MYH11: variants seen among roughly 807,000 people sequenced by gnomAD.
The protein encoded by MYH11 is myosin heavy chain 11.
A neutral mutation model predicts 246.6 loss-of-function variants in MYH11; 80 were observed. That is an observed-to-expected ratio of 0.32 (90% CI 0.27 to 0.39). The LOEUF (loss-of-function observed/expected upper bound fraction) is 0.39, where lower values mean the gene tolerates loss of function less well. Among genes scored for constraint, MYH11 ranks in the 10% least tolerant of loss-of-function variants. The pLI is 1.00. For missense variants in MYH11, 2,158 were observed against 2,546.8 expected (o/e 0.85, Z 3.29); for synonymous variants, 1,071 against 1,015.5 (o/e 1.05, Z -1.04).
At chr16:15,856,791 A>G (rs1391159751) in intron 1 of MYH11, 150 bp downstream of exon 1, 1 of 152,042 alleles carries the variant, frequency 6.6e-6, no homozygotes, top group Non-Finnish European at 1.5e-5. Context: ...GCAGAGAGAG[A>G]TCCAAATCAC....
chr16:15,788,666 T>C (rs555748440), intron 4 of MYH11, among the ~76,000 whole-genome samples: 1 of 152,318 alleles, frequency 6.6e-6, no homozygotes, highest in African/African-American at 2.4e-5. Flanking sequence ...CTTTGTGTGG[T>C]CCCTTCCCTT....
intron 20 of MYH11, among the ~76,000 whole-genome samples, chr16:15,743,316 C>T (rs1257761822): frequency 1.3e-5 from 2 of 152,034 alleles, no homozygotes; most frequent in African/African-American, 4.8e-5. Context: ...TTACAGGTGC[C>T]CACCACCACA....
chr16:15,814,575 AAAAAAAAAAG>A lies in MYH11; in HGVS notation c.502+8670_502+8679del, dbSNP rs1485059306. ...TCTCAAAAAAAAAAAAAAAAAAAAA[AAAAAAAAAAG>A]GTACCAAGAAAAAAGTCTAGGTGAG... On this transcript the variant is annotated intron_variant, in intron 3 of 40. Transcript: ENST00000300036. Among the ~76,000 whole-genome samples the A allele has an allele frequency of 2.2e-3, 255 of 115,346 alleles. 4 individuals are homozygous for A. The highest frequency in any genetic ancestry group is 4.5e-3 in the African/African-American group (144 of 32,012). 75.7% of individuals were successfully genotyped at this position (115,346 alleles called of 152,430 possible).
chr16:15,841,529 G>T (rs562895406), intron 1 of MYH11, among the ~76,000 whole-genome samples: 1 of 152,284 alleles, frequency 6.6e-6, no homozygotes, highest in African/African-American at 2.4e-5. Flanking sequence ...GTTCCTTAGG[G>T]TAACTAAATT....
In MYH11 at chr16:15,735,448, G is replaced by C; in HGVS notation, c.3424C>G (p.Arg1142Gly). 1 of 1,614,088 alleles carries C rather than the reference G, an allele frequency of 6.2e-7. No homozygotes were observed. Among genetic ancestry groups the C allele is most frequent in the Non-Finnish European group, 8.5e-7 (1 of 1,180,016 alleles). The change falls in exon 26 of 41, where the codon CGA (arginine) becomes GGA (glycine). Residue 1142 changes from arginine (R) to glycine (G), a missense_variant. By Grantham distance (125) the Arg-to-Gly change is moderately radical. Around this residue, in one of 11 missense-constraint regions of MYH11, gnomAD observed 284 missense variants for 315.4 expected, o/e 0.90. Transcript: ENST00000300036. ...GCCTCCAGCTCCTCGCCGAGGTCTC[G>C]CTTCTGCTTTTCAGCCTTGTTCCTG... is the stretch of plus-strand genomic sequence containing the variant. Reference protein sequence around the residue: ...AARNKAEKQKRDLGEELEALK... With the variant: ...AARNKAEKQKGDLGEELEALK...
Position 15,741,844 on chromosome 16 carries a change from G to A in MYH11, c.2568C>T (p.Ala856=). The A allele has an allele frequency of 6.2e-7, 1 of 1,614,150 alleles. No homozygotes were observed. The highest frequency in any genetic ancestry group is 1.3e-5 in the African/African-American group (1 of 75,016). The change falls in exon 21 of 41, where the codon GCC becomes GCT. Residue 856 remains alanine (A), a synonymous_variant. Coordinates refer to ENST00000300036, the MANE Select transcript of MYH11 (RefSeq NM_002474.3). ...TGGTCTTCTGCAGTTCATCCTCCTTGGCCTGCATCTCCTCCTCCTGCCGTG... is the reference window on the plus strand; with the variant it reads ...TGGTCTTCTGCAGTTCATCCTCCTTAGCCTGCATCTCCTCCTCCTGCCGTG... ...QVTRQEEEMQ[A]KEDELQKTKE... is the part of the protein sequence containing the mutation.
intron 27 of MYH11, among the ~76,000 whole-genome samples, chr16:15,729,484 G>A (rs1335084638): frequency 6.6e-5 from 10 of 151,894 alleles, no homozygotes; most frequent in Non-Finnish European, 1.3e-4. Context: ...TCCTGTTCAC[G>A]TCTAATGAAC....
At position 15,838,225 on chromosome 16, in the gene MYH11, C is replaced by T. The variant is rs2043958315; in HGVS notation, c.28G>A (p.Asp10Asn). MAQKGQLSD[D>N]EKFLFVDKNF... ...TTGTCCACAAAGAGGAACTTCTCAT[C>T]GTCACTGAGTTGGCCCTTCTGCGCC... is the stretch of plus-strand genomic sequence containing the variant. Residue 10 changes from aspartate to asparagine, a missense_variant, in exon 2 of 41, where the codon GAT (aspartate) becomes AAT (asparagine). Asp to Asn is a conservative substitution (Grantham distance 23, BLOSUM62 1). Around this residue, in one of 11 missense-constraint regions of MYH11, gnomAD observed 96 missense variants for 91.9 expected, o/e 1.04. Coordinates refer to ENST00000300036, the MANE Select transcript of MYH11 (RefSeq NM_002474.3). The T allele has an allele frequency of 6.2e-7, 1 of 1,614,110 alleles. No individual in the cohort carries two copies. The highest frequency in any genetic ancestry group is 8.5e-7 in the Non-Finnish European group (1 of 1,180,020).
At chr16:15,786,498 T>C in intron 5 of MYH11, 132 bp downstream of exon 5, 1 of 908,142 alleles carries the variant, frequency 1.1e-6, no homozygotes, top group Non-Finnish European at 1.9e-6. Flanking sequence ...GGTCCCTCTT[T>C]GAGTCTTCAG....
At chr16:15,846,449 G>T (rs562816172) in intron 1 of MYH11, among the ~76,000 whole-genome samples, 1 of 152,170 alleles carries the variant, frequency 6.6e-6, no homozygotes, top group South Asian at 2.1e-4. Flanking sequence ...ATGAGTCTCC[G>T]GTGTGCAATG....
At chr16:15,756,278 T>C (rs907459661) in intron 14 of MYH11, 63 bp downstream of exon 14, 65 of 1,579,008 alleles carry the variant, frequency 4.1e-5, no homozygotes, top group Middle Eastern at 4.0e-4. Flanking sequence ...TCAGACTGTC[T>C]CTGCGCTGAG....
chr16:15,750,431 A>T lies in MYH11; in HGVS notation c.1865-100T>A. ...CCCACCCACCAACCTGCCCACTCCA[A>T]TCTTTCCTTCCATCACCAACGCCTC... On this transcript the variant is annotated intron_variant, in intron 15 of 40. Transcript: ENST00000300036. The surrounding 1 kb of genome is among the most constrained non-coding windows in gnomAD (Gnocchi z 4.3). The T allele has an allele frequency of 5.0e-6, 6 of 1,188,300 alleles. No individual in the cohort carries two copies. The South Asian group carries it at 7.8e-5, about 15-fold the overall frequency. The allele number at this position is 1,188,300 out of a possible 1,614,324, so 73.6% of individuals were successfully genotyped here.
intron 3 of MYH11, among the ~76,000 whole-genome samples, chr16:15,807,671 A>G (rs2043045924): frequency 6.6e-6 from 1 of 152,008 alleles, no homozygotes; most frequent in African/African-American, 2.4e-5. Context: ...CCTGGGGCTG[A>G]GCTTCCCAGC....
At chr16:15,719,417 C>A in intron 35 of MYH11, 109 bp from the exon 36 acceptor site, 2 of 1,477,028 alleles carry the variant, frequency 1.4e-6, no homozygotes, top group Non-Finnish European at 1.9e-6. Flanking sequence ...TTCCTCTGAG[C>A]TCAGGGGAGG....
chr16:15,758,601 T>A (rs971891844), intron 12 of MYH11, among the ~76,000 whole-genome samples: 9 of 150,208 alleles, frequency 6.0e-5, no homozygotes, highest in African/African-American at 2.2e-4. Flanking sequence ...ATCAGGAGTT[T>A]GAGACTAGCC....
chr16:15,714,659 G>C (rs962585522), intron 40 of MYH11: 3 of 591,282 alleles, frequency 5.1e-6, no homozygotes, highest in Non-Finnish European at 9.1e-6. Context: ...TCAGCCGGAG[G>C]ACCGGATGGG....
intron 26 of MYH11, 114 bp from the exon 27 acceptor site, chr16:15,732,822 C>T (rs369945489): frequency 7.7e-7 from 1 of 1,303,682 alleles, no homozygotes. Context: ...CTCATCACCA[C>T]CCCTCTCTAG....
At chr16:15,832,294 T>C (rs1312450030) in intron 2 of MYH11, among the ~76,000 whole-genome samples, 1 of 152,152 alleles carries the variant, frequency 6.6e-6, no homozygotes, top group East Asian at 1.9e-4. Context: ...CCCATCCACC[T>C]TGGCTCTGGA....
At chr16:15,833,381 G>GAGGA (rs148317130) in intron 2 of MYH11, among the ~76,000 whole-genome samples, 27 of 136,854 alleles carry the variant, frequency 2.0e-4, no homozygotes, top group East Asian at 8.2e-4. Flanking sequence ...GGGAGGGAGG[G>GAGGA]AGGGAGGAAG....
Sources: allele counts gnomAD v4.1 joint callset (sites outside exome capture counted in the v4.1 genomes callset), GRCh38; gene constraint gnomAD v4.1.1; regional missense constraint gnomAD v4.1.1; non-coding constraint Gnocchi (gnomAD v3.1); transcripts MANE v1.5; gene names NCBI Gene and HGNC (gene_info 2026-07-23, HGNC 2026-07-21).